The following IL4 variants were observed in gnomAD, a reference collection of about 807,000 sequenced individuals.
IL4 encodes interleukin 4, also known as interleukin-4.
IL4 carries 10 observed loss-of-function variants against 17.4 expected under a neutral mutation model. The ratio of observed to expected loss-of-function variants is 0.57; its 90% confidence interval spans 0.35 to 0.97. The LOEUF (loss-of-function observed/expected upper bound fraction) is 0.97. IL4 is among the 50% of genes least tolerant of loss of function. The pLI is 0.01. For missense variants in IL4, 174 were observed against 187.7 expected, an observed-to-expected ratio of 0.93 and a Z score of 0.43; for synonymous variants, 87 against 79.0, an observed-to-expected ratio of 1.10 and a Z score of -0.54.
intron 2 of IL4, among the ~76,000 whole-genome samples, chr5:132,678,763 G>A (rs1752430573): frequency 6.6e-6 from 1 of 152,176 alleles, no homozygotes; most frequent in Admixed American, 6.5e-5. Flanking sequence ...AAAGGAACTG[G>A]GCTCAAGCTA....
At chr5:132,678,460 G>GAATATATGTTACCTTTATAGTA (rs1336947589) in intron 2 of IL4, among the ~76,000 whole-genome samples, 5 of 152,120 alleles carry the variant, frequency 3.3e-5, no homozygotes, top group Non-Finnish European at 5.9e-5. Context: ...TATTTTTGTT[G>GAATATATGTTACCTTTATAGTA]AATATATGTT....
In IL4 at chr5:132,675,849, A is replaced by ATGTGTGTGTGTGTG. The variant is rs58175446; in HGVS notation, c.183+1359_183+1372dup. Among the ~76,000 whole-genome samples the ATGTGTGTGTGTGTG allele has an allele frequency of 3.5e-3, 502 of 145,022 alleles. 4 individuals carry two copies. The highest frequency in any genetic ancestry group is 5.0e-3 in the East Asian group (24 of 4,840). Reference sequence around the variant, plus strand: ...AGCCACTGCACCTGGGCAACAGTTTATGTGTGTGTGTGTGTGTGTGTGTGT... The same window carrying ATGTGTGTGTGTGTG: ...AGCCACTGCACCTGGGCAACAGTTTATGTGTGTGTGTGTGTGTGTGTGTGTGTGTGTGTGTGTGT... On this transcript the variant is annotated intron_variant, in intron 2 of 3. Coordinates refer to ENST00000231449, the MANE Select transcript of IL4 (RefSeq NM_000589.4).
intron 2 of IL4, among the ~76,000 whole-genome samples, chr5:132,678,741 T>A (rs560627993): frequency 6.6e-6 from 1 of 152,332 alleles, no homozygotes; most frequent in East Asian, 1.9e-4. Context: ...GCTTTCTTTA[T>A]CTGAACTGGA....
chr5:132,677,712 A>C (rs1752406914), intron 2 of IL4: 1 of 152,128 alleles, frequency 6.6e-6, no homozygotes, highest in Non-Finnish European at 1.5e-5. Context: ...AAATCTCACC[A>C]AGGTTTGTGG....
At chr5:132,674,334 CT>C in intron 1 of IL4, 124 bp from the exon 2 acceptor site, 1 of 1,352,454 alleles carries the variant, frequency 7.4e-7, no homozygotes, top group Non-Finnish European at 1.0e-6. Context: ...CCCTGCCACT[CT>C]TTTTTCTGAG....
chr5:132,681,015 G>T (rs1314353314), intron 3 of IL4, among the ~76,000 whole-genome samples: 1 of 152,220 alleles, frequency 6.6e-6, no homozygotes, highest in East Asian at 1.9e-4. Flanking sequence ...GTTCAATTTT[G>T]TACATCGTAC....
chr5:132,679,363 C>T (rs945395357), intron 2 of IL4, among the ~76,000 whole-genome samples: 7 of 152,160 alleles, frequency 4.6e-5, no homozygotes, highest in South Asian at 2.1e-4. Context: ...GAGACACGGA[C>T]GCAGAACGTG....
chr5:132,675,986 T>C (rs961011742), intron 2 of IL4, among the ~76,000 whole-genome samples: 1 of 143,836 alleles, frequency 7.0e-6, no homozygotes, highest in Non-Finnish European at 1.5e-5. Context: ...CCAACCGAGA[T>C]GGCTCCTACT....
chr5:132,682,496 C>T lies in IL4; in HGVS notation c.371C>T (p.Pro124Leu). 1 of 1,598,018 alleles carries T rather than the reference C, an allele frequency of 6.3e-7. No homozygotes were observed. The highest frequency in any genetic ancestry group is 8.6e-7 in the Non-Finnish European group (1 of 1,166,072). ...ATGTTTCTTTTGCAGAATTCCTGTCCTGTGAAGGAAGCCAACCAGAGTACG... is the reference window on the plus strand; with the variant it reads ...ATGTTTCTTTTGCAGAATTCCTGTCTTGTGAAGGAAGCCAACCAGAGTACG... ...LWGLAGLNSC[P>L]VKEANQSTLE... is the part of the protein sequence containing the mutation. The change falls in exon 4 of 4, where the codon CCT becomes CTT. Residue 124 changes from proline to leucine, a missense_variant. Coordinates refer to ENST00000231449, the MANE Select transcript of IL4 (RefSeq NM_000589.4).
intron 2 of IL4, among the ~76,000 whole-genome samples, chr5:132,675,913 ATATATGTGTATG>A (rs1432334120): frequency 8.9e-6 from 1 of 112,002 alleles, no homozygotes; most frequent in Non-Finnish European, 1.7e-5. Flanking sequence ...GTGTGTATGT[ATATATGTGTATG>A]TATATGTGTG....
At chr5:132,677,461 G>A (rs562263666) in intron 2 of IL4, among the ~76,000 whole-genome samples, 29 of 152,282 alleles carry the variant, frequency 1.9e-4, no homozygotes, top group African/African-American at 6.3e-4. Context: ...ATGGAGTGTC[G>A]CCCCCTCGCT....
rs766365989 is a variant in IL4, at chr5:132,674,516, C to T, written c.183+10C>T. ...CTTTGCTGCCTCCAAGGTAAGAAGC[C>T]GTCCCACGGTCTGTTTTAGCAAATG... is the stretch of plus-strand genomic sequence containing the variant. On this transcript the variant is annotated intron_variant, in intron 2 of 3. Coordinates refer to ENST00000231449, the MANE Select transcript of IL4 (RefSeq NM_000589.4). 10 of 1,611,636 alleles carry T rather than the reference C, an allele frequency of 6.2e-6. No individual in the cohort carries two copies. Among genetic ancestry groups the T allele is most frequent in the East Asian group, 2.2e-5 (1 of 44,884 alleles).
chr5:132,674,095 A>G lies in IL4; in HGVS notation c.45A>G (p.Leu15=), dbSNP rs2243251. 15,018 of 1,614,072 alleles carry G rather than the reference A, an allele frequency of 9.3e-3. 1,152 individuals are homozygous for G. The African/African-American group carries it at 0.17, about 18-fold the overall frequency. Residue 15 remains leucine (L), a synonymous_variant, in exon 1 of 4, where the codon CTA becomes CTG. Coordinates refer to ENST00000231449, the MANE Select transcript of IL4 (RefSeq NM_000589.4). ...TGCTTCCCCCTCTGTTCTTCCTGCT[A>G]GCATGTGCCGGCAACTTTGTCCACG... The part of the protein sequence containing the change: ...SQLLPPLFFL[L]ACAGNFVHGH...
chr5:132,675,929 A>ATATGTGTGTGTGTGTGTGTGTGTG (rs150233516), intron 2 of IL4, among the ~76,000 whole-genome samples: 26 of 141,056 alleles, frequency 1.8e-4, no homozygotes, highest in African/African-American at 7.1e-4. Flanking sequence ...GTGTATGTAT[A>ATATGTGTGTGTGTGTGTGTGTGTG]TGTGTGTGTG....
chr5:132,681,934 C>G (rs1182140560), intron 3 of IL4, among the ~76,000 whole-genome samples: 1 of 152,170 alleles, frequency 6.6e-6, no homozygotes, highest in Non-Finnish European at 1.5e-5. Context: ...GAAACTGAAG[C>G]TTTTATAAAT....
Position 132,679,732 on chromosome 5 carries a change from A to G in IL4, c.202A>G (p.Thr68Ala), listed in dbSNP as rs1561677865. 1.9e-6 allele frequency: 3 copies of G among 1,613,206 alleles called. No homozygotes were observed. The highest frequency in any genetic ancestry group is 2.5e-6 in the Non-Finnish European group (3 of 1,179,620). ...TTTCCAGAACACAACTGAGAAGGAA[A>G]CCTTCTGCAGGGCTGCGACTGTGCT... ...AASKNTTEKE[T>A]FCRAATVLRQ... The change falls in exon 3 of 4, where the codon ACC (threonine) becomes GCC (alanine). Residue 68 changes from threonine (T) to alanine (A), a missense_variant. Transcript: ENST00000231449.
intron 2 of IL4, among the ~76,000 whole-genome samples, chr5:132,677,046 C>T (rs1752394589): frequency 6.6e-6 from 1 of 152,196 alleles, no homozygotes; most frequent in East Asian, 1.9e-4. Context: ...TTCCTATTTA[C>T]CAAAGAGAGC....
chr5:132,676,568 A>T (rs1227544120), intron 2 of IL4, among the ~76,000 whole-genome samples: 1 of 151,894 alleles, frequency 6.6e-6, no homozygotes, highest in Non-Finnish European at 1.5e-5. Context: ...AATAATCCCC[A>T]CTGCCTGCCT....
In IL4 at chr5:132,674,205, C is replaced by A; in HGVS notation, c.135+20C>A. On this transcript the variant is annotated intron_variant, in intron 1 of 3. Transcript: ENST00000231449. The stretch of plus-strand genomic sequence containing the variant: ...CAGAAGGTGAGTACCTATCTGGCAC[C>A]ATCTCTCCAGATGTTCTGGTGATGC... The A allele has an allele frequency of 6.2e-7, 1 of 1,611,324 alleles. No individual in the cohort carries two copies. The highest frequency in any genetic ancestry group is 1.1e-5 in the South Asian group (1 of 90,982).
Sources: allele counts gnomAD v4.1 joint callset (sites outside exome capture counted in the v4.1 genomes callset), GRCh38; gene constraint gnomAD v4.1.1; transcripts MANE v1.5; gene names NCBI Gene and HGNC (gene_info 2026-07-23, HGNC 2026-07-21).